TMEM132B: variants seen among roughly 807,000 people sequenced by gnomAD.
TMEM132B encodes transmembrane protein 132B.
In TMEM132B, 18 loss-of-function variants were observed where a neutral mutation model predicts 90.8. The ratio of observed to expected loss-of-function variants is 0.20; its 90% CI spans 0.14 to 0.29. The LOEUF is 0.29. TMEM132B is among the 10% of genes least tolerant of loss of function. The pLI, the probability that TMEM132B is intolerant of heterozygous loss-of-function variation, is 1.00. For synonymous variants in TMEM132B, 504 were observed against 523.3 expected (o/e 0.96, Z 0.50); for missense variants, 1,096 against 1,326.8 (o/e 0.83, Z 2.70).
At chr12:125,551,257 T>G (rs1884222767) in intron 4 of TMEM132B, among the ~76,000 whole-genome samples, 1 of 152,220 alleles carries the variant, frequency 6.6e-6, no homozygotes, top group Non-Finnish European at 1.5e-5. Context: ...TTAACTTCAT[T>G]TTACTGGTTG....
chr12:125,317,970 G>C (rs1218482099), intron 1 of TMEM132B, among the ~76,000 whole-genome samples: 1 of 152,186 alleles, frequency 6.6e-6, no homozygotes, highest in East Asian at 1.9e-4. Flanking sequence ...TCCAGCAGGA[G>C]AATGGATCCA....
chr12:125,200,189 T>G (rs1356229994), intron 1 of TMEM132B, among the ~76,000 whole-genome samples: 1 of 152,198 alleles, frequency 6.6e-6, no homozygotes, highest in Admixed American at 6.5e-5. Flanking sequence ...GTCGTTTTTC[T>G]GGGTGCCAGG....
chr12:125,515,173 C>T (rs1164950452), intron 3 of TMEM132B, among the ~76,000 whole-genome samples: 2 of 151,616 alleles, frequency 1.3e-5, no homozygotes, highest in African/African-American at 2.4e-5. Context: ...TTCTCTCCCA[C>T]ACTCACACAC....
intron 4 of TMEM132B, among the ~76,000 whole-genome samples, chr12:125,580,631 A>G (rs1885034641): frequency 6.6e-6 from 1 of 152,178 alleles, no homozygotes; most frequent in Non-Finnish European, 1.5e-5. Context: ...TTCTGTTTTT[A>G]CCAATAATTA....
intron 2 of TMEM132B, among the ~76,000 whole-genome samples, chr12:125,392,737 G>C (rs927755298): frequency 6.6e-6 from 1 of 152,230 alleles, no homozygotes; most frequent in Non-Finnish European, 1.5e-5. Context: ...CACTAGGCCA[G>C]CCCTGGCTCT....
chr12:125,492,785 A>T lies in TMEM132B; in HGVS notation c.1107-26654A>T, dbSNP rs947561015. On this transcript the variant is annotated intron_variant, in intron 3 of 8. Coordinates refer to ENST00000682704, the MANE Select transcript of TMEM132B (RefSeq NM_001366854.1). This position sits in a 1 kb window ranked among gnomAD's most constrained non-coding sequence, Gnocchi z 5.8. ...CCACTCAGCCACGCCCGCAGATCTC[A>T]CTTGGCTCCAAAATGGGCTGGGCCC... Among the ~76,000 whole-genome samples the T allele has an allele frequency of 2.6e-5, 4 of 151,908 alleles. No individual in the cohort carries two copies. Among genetic ancestry groups the T allele is most frequent in the Non-Finnish European group, 4.4e-5 (3 of 67,942 alleles).
chr12:125,598,603 A>G (rs1464175048), intron 5 of TMEM132B, among the ~76,000 whole-genome samples: 1 of 152,218 alleles, frequency 6.6e-6, no homozygotes, highest in Non-Finnish European at 1.5e-5. Context: ...AAACAAATCA[A>G]TATAGAAAAG....
Position 125,644,200 on chromosome 12 carries a change from G to A in TMEM132B, c.1562G>A (p.Arg521Lys). 1 of 1,614,218 alleles carries A rather than the reference G, an allele frequency of 6.2e-7. No homozygotes were observed. ...SQFEVTVWAP[R>K]LPLQIEISDT... ...TTCGAGGTCACTGTCTGGGCACCCAGGCTCCCCCTGCAGATTGAGATCTCA... is the reference window on the plus strand; with the variant it reads ...TTCGAGGTCACTGTCTGGGCACCCAAGCTCCCCCTGCAGATTGAGATCTCA... Residue 521 changes from arginine to lysine, a missense_variant, in exon 6 of 9, where the codon AGG becomes AAG. Physicochemically the swap from Arg to Lys is conservative, Grantham distance 26. Transcript: ENST00000682704.
chr12:125,358,043 G>A (rs1374888672), intron 2 of TMEM132B, among the ~76,000 whole-genome samples: 1 of 152,064 alleles, frequency 6.6e-6, no homozygotes, highest in Non-Finnish European at 1.5e-5. Context: ...TTTTGTGGTC[G>A]CCTATTATAT....
chr12:125,512,178 G>A (rs111908259), intron 3 of TMEM132B, among the ~76,000 whole-genome samples: 1,844 of 152,318 alleles, frequency 0.012, 11 homozygotes, highest in Middle Eastern at 0.034. Context: ...TGGGGGACAT[G>A]ATAAGTGAGT....
intron 1 of TMEM132B, among the ~76,000 whole-genome samples, chr12:125,342,323 G>C (rs1877209387): frequency 6.6e-6 from 1 of 152,144 alleles, no homozygotes; most frequent in Non-Finnish European, 1.5e-5. Flanking sequence ...CAGTTTTCCA[G>C]GATTCCTGTC....
At chr12:125,299,973 C>G (rs1294493101) in intron 1 of TMEM132B, among the ~76,000 whole-genome samples, 1 of 152,252 alleles carries the variant, frequency 6.6e-6, no homozygotes, top group Non-Finnish European at 1.5e-5. Flanking sequence ...AACCCCAAGT[C>G]CTGCTCATGG....
intron 1 of TMEM132B, among the ~76,000 whole-genome samples, chr12:125,257,880 G>C (rs1874475797): frequency 6.6e-6 from 1 of 152,166 alleles, no homozygotes; most frequent in Admixed American, 6.5e-5. Flanking sequence ...AGGGCCTCTG[G>C]GGGAGTGAGG....
At chr12:125,390,765 C>T (rs760600420) in intron 2 of TMEM132B, among the ~76,000 whole-genome samples, 12 of 152,144 alleles carry the variant, frequency 7.9e-5, no homozygotes, top group Non-Finnish European at 1.8e-4. Context: ...TCCTCCAGCC[C>T]CAGTCAAGCC....
rs1346222433 is a variant in TMEM132B at position 125,277,172 on chromosome 12, G to A, written c.68-72280G>A. Among the ~76,000 whole-genome samples, 1 of 152,130 alleles carries A rather than the reference G, an allele frequency of 6.6e-6. No homozygotes were observed. Among genetic ancestry groups the A allele is most frequent in the African/African-American group, 2.4e-5 (1 of 41,424 alleles). ...GGGTGGGCCCTAATCCCATATGACT[G>A]GTGTCCTTAGATGAAGAGGGAGAAC... On this transcript the variant is annotated intron_variant, in intron 1 of 8. Coordinates refer to ENST00000682704, the MANE Select transcript of TMEM132B (RefSeq NM_001366854.1). This position sits in a 1 kb window ranked among gnomAD's most constrained non-coding sequence, Gnocchi z 4.3.
Position 125,475,198 on chromosome 12 carries a change from C to A in TMEM132B, c.1107-44241C>A, listed in dbSNP as rs1449878529. Among the ~76,000 whole-genome samples the A allele has an allele frequency of 2.0e-5, 3 of 152,004 alleles. 1 individual carries two copies. Among genetic ancestry groups the A allele is most frequent in the Non-Finnish European group, 4.4e-5 (3 of 67,992 alleles). Reference sequence around the variant, plus strand: ...GGGGGGAAGAGGACCCAGCACAGTGCCTGACTCGCAAACAATCAATGGACA... The same window carrying A: ...GGGGGGAAGAGGACCCAGCACAGTGACTGACTCGCAAACAATCAATGGACA... On this transcript the variant is annotated intron_variant, in intron 3 of 8. Transcript: ENST00000682704.
intron 4 of TMEM132B, among the ~76,000 whole-genome samples, chr12:125,553,393 C>A (rs1884286733): frequency 6.6e-6 from 1 of 152,184 alleles, no homozygotes; most frequent in African/African-American, 2.4e-5. Context: ...GTGAAGCAAC[C>A]AAGAACATAC....
intron 1 of TMEM132B, among the ~76,000 whole-genome samples, chr12:125,313,309 C>G (rs7300278): frequency 6.6e-6 from 1 of 152,050 alleles, no homozygotes; most frequent in South Asian, 2.1e-4. Flanking sequence ...GTCAGATAGA[C>G]GCAATTCCTA....
chr12:125,561,364 C>T (rs1334678858), intron 4 of TMEM132B, among the ~76,000 whole-genome samples: 8 of 151,622 alleles, frequency 5.3e-5, no homozygotes. Flanking sequence ...CACACCGGGG[C>T]CTGTCAGGGG....
Sources: allele counts gnomAD v4.1 joint callset (sites outside exome capture counted in the v4.1 genomes callset), GRCh38; gene constraint gnomAD v4.1.1; non-coding constraint Gnocchi (gnomAD v3.1); transcripts MANE v1.5; gene names NCBI Gene and HGNC (gene_info 2026-07-23, HGNC 2026-07-21).